The following GPR158 variants were observed in gnomAD, a reference collection of about 807,000 sequenced individuals.
The protein encoded by GPR158 is G protein-coupled receptor 158, also known as metabotropic glycine receptor.
In GPR158, 30 loss-of-function variants were observed where a neutral mutation model predicts 78.2. The observed-to-expected ratio is 0.38, with a 90% CI of 0.29 to 0.52. The LOEUF is 0.52. GPR158 is among the 20% of genes least tolerant of loss of function. GPR158 has a pLI of 0.83. For missense variants in GPR158, 1,463 were observed against 1,523.5 expected (o/e 0.96, Z 0.66); for synonymous variants, 581 against 591.1 (o/e 0.98, Z 0.25).
chr10:25,233,307 T>C (rs145870560), intron 2 of GPR158, among the ~76,000 whole-genome samples: 2 of 152,362 alleles, frequency 1.3e-5, no homozygotes, highest in East Asian at 1.9e-4. Flanking sequence ...CTAATCTTGA[T>C]TGTGTAATTA....
chr10:25,528,983 T>C (rs1836388384), intron 5 of GPR158, among the ~76,000 whole-genome samples: 2 of 152,118 alleles, frequency 1.3e-5, no homozygotes, highest in Non-Finnish European at 1.5e-5. Context: ...AATTGACTTG[T>C]TATGGAAGTT....
At chr10:25,241,184 T>C (rs544268487) in intron 2 of GPR158, among the ~76,000 whole-genome samples, 8 of 111,210 alleles carry the variant, frequency 7.2e-5, no homozygotes, top group African/African-American at 3.7e-4. Context: ...TTTCTTTCTT[T>C]CTTTCCTTTC....
In GPR158 at chr10:25,601,799, T is replaced by A. The variant is rs1389179136; in HGVS notation, c.*2525T>A. 2 of 152,676 alleles carry A rather than the reference T, an allele frequency of 1.3e-5. No individual in the cohort carries two copies. Among genetic ancestry groups the A allele is most frequent in the African/African-American group, 4.8e-5 (2 of 41,470 alleles). 9.5% of individuals were successfully genotyped at this position (152,676 alleles called of 1,614,324 possible). On this transcript the variant is annotated 3_prime_UTR_variant, in exon 11 of 11. Transcript: ENST00000376351. ...TGTCCTTCTCAATGCATGTGCAGGC[T>A]GCATCCTGTCCTTGTTTTTAAGCCA...
At chr10:25,510,892 G>C (rs1267359394) in intron 5 of GPR158, among the ~76,000 whole-genome samples, 2 of 152,042 alleles carry the variant, frequency 1.3e-5, no homozygotes, top group Admixed American at 1.3e-4. Flanking sequence ...CCTTGTTATG[G>C]CTCAGTAGTA....
intron 2 of GPR158, among the ~76,000 whole-genome samples, chr10:25,317,102 T>C (rs922839413): frequency 1.3e-5 from 2 of 151,822 alleles, no homozygotes; most frequent in Non-Finnish European, 2.9e-5. Flanking sequence ...GGAGTGCAGT[T>C]GGCGTGATCT....
At chr10:25,309,712 T>G (rs1463616406) in intron 2 of GPR158, among the ~76,000 whole-genome samples, 1 of 152,148 alleles carries the variant, frequency 6.6e-6, no homozygotes, top group Admixed American at 6.5e-5. Context: ...GGGTCTTTCC[T>G]GTGCTTCTCA....
At chr10:25,317,126 C>T (rs575408978) in intron 2 of GPR158, among the ~76,000 whole-genome samples, 34 of 151,780 alleles carry the variant, frequency 2.2e-4, no homozygotes, top group Non-Finnish European at 4.6e-4. Flanking sequence ...CTCACTGCAA[C>T]CTCCACCTCC....
In GPR158 at chr10:25,199,200, CACAGGGGT is replaced by C. The variant is rs778857563; in HGVS notation, c.903-21851_903-21844del. Among the ~76,000 whole-genome samples the C allele has an allele frequency of 8.6e-5, 13 of 151,200 alleles. 1 individual carries two copies. In the South Asian group the frequency reaches 2.7e-3, roughly 32 times the overall value. On this transcript the variant is annotated intron_variant, in intron 1 of 10. Transcript: ENST00000376351. ...TCTGTTATGTAAGTAAATTGCATGC[CACAGGGGT>C]TTGGTGTAAAGATTATTTTCTTACC...
intron 6 of GPR158, among the ~76,000 whole-genome samples, chr10:25,561,323 T>G (rs1419788199): frequency 6.6e-6 from 1 of 152,238 alleles, no homozygotes; most frequent in African/African-American, 2.4e-5. Flanking sequence ...CAGTGCTAGA[T>G]AATTGAGATT....
At chr10:25,262,637 A>C (rs1853983600) in intron 2 of GPR158, among the ~76,000 whole-genome samples, 1 of 152,096 alleles carries the variant, frequency 6.6e-6, no homozygotes. Context: ...TATACCCTCT[A>C]TCCCTCACAT....
At position 25,598,377 on chromosome 10, in the gene GPR158, T is replaced by A. The variant is rs1837440991; in HGVS notation, c.2751T>A (p.Ala917=). 6.2e-7 allele frequency: 1 copy of A among 1,613,954 alleles called. No homozygotes were observed. The highest frequency in any genetic ancestry group is 1.3e-5 in the African/African-American group (1 of 74,888). ...CCAAGGAGAAGACTCTTGGATTAGC[T>A]GGGAAAACCCAAACAGCAGGTGTGG... ...ASAKEKTLGL[A]GKTQTAGVEE... Residue 917 remains alanine, a synonymous_variant, in exon 11 of 11, where the codon GCT becomes GCA. Coordinates refer to ENST00000376351, the MANE Select transcript of GPR158 (RefSeq NM_020752.3).
intron 5 of GPR158, among the ~76,000 whole-genome samples, chr10:25,516,714 T>C (rs1341261654): frequency 2.3e-4 from 24 of 106,482 alleles, no homozygotes; most frequent in Non-Finnish European, 4.3e-4. Context: ...GGCTCTGTTC[T>C]GTTCCATTGA....
rs1837228992 is a variant in GPR158 at position 25,583,426 on chromosome 10, T to A, written c.1754-5581T>A. Among the ~76,000 whole-genome samples, 3 of 152,218 alleles carry A rather than the reference T, an allele frequency of 2.0e-5. No homozygotes were observed. The South Asian group carries it at 6.2e-4, about 32-fold the overall frequency. Reference sequence around the variant, plus strand: ...AATCAGTGTAACTCATAATTGGCTTTATTTTAGCCAAAGAAGAACCAGATA... The same window carrying A: ...AATCAGTGTAACTCATAATTGGCTTAATTTTAGCCAAAGAAGAACCAGATA... On this transcript the variant is annotated intron_variant, in intron 7 of 10. Coordinates refer to ENST00000376351, the MANE Select transcript of GPR158 (RefSeq NM_020752.3).
chr10:25,587,549 C>T lies in GPR158; in HGVS notation c.1754-1458C>T, dbSNP rs577424080. Among the ~76,000 whole-genome samples, 86 of 152,196 alleles carry T rather than the reference C, an allele frequency of 5.7e-4. 3 individuals are homozygous for T. The South Asian group carries it at 0.017, about 31-fold the overall frequency. The stretch of plus-strand genomic sequence containing the variant: ...AAGAAGGCAACGGTAATTCCATGGA[C>T]AGAAATACAAGAGTTGGGAAAGGAA... On this transcript the variant is annotated intron_variant, in intron 7 of 10. Transcript: ENST00000376351.
chr10:25,465,705 T>TA (rs1298057673), intron 4 of GPR158, among the ~76,000 whole-genome samples: 54 of 152,204 alleles, frequency 3.5e-4, no homozygotes, highest in African/African-American at 1.3e-3. Flanking sequence ...TGGTGGGAGA[T>TA]ACGCAGACTT....
intron 2 of GPR158, among the ~76,000 whole-genome samples, chr10:25,311,506 A>G (rs1854764053): frequency 6.6e-6 from 1 of 152,052 alleles, no homozygotes. Context: ...TGATTTCTGT[A>G]TGTTGAGTCT....
intron 2 of GPR158, among the ~76,000 whole-genome samples, chr10:25,367,501 A>T (rs1332242843): frequency 6.6e-6 from 1 of 151,776 alleles, no homozygotes; most frequent in Non-Finnish European, 1.5e-5. Flanking sequence ...ACACATTTCT[A>T]TACAAAATTT....
At chr10:25,360,507 A>T (rs1187947010) in intron 2 of GPR158, among the ~76,000 whole-genome samples, 2 of 152,062 alleles carry the variant, frequency 1.3e-5, no homozygotes, top group Non-Finnish European at 2.9e-5. Context: ...TTAAATAGGG[A>T]ATCCTTTCCC....
In GPR158 at chr10:25,221,032, T is replaced by C. The variant is rs763650799; in HGVS notation, c.903-20T>C. The C allele has an allele frequency of 8.2e-7, 1 of 1,219,398 alleles. No homozygotes were observed. Among genetic ancestry groups the C allele is most frequent in the Admixed American group, 1.9e-5 (1 of 52,124 alleles). The allele number at this position is 1,219,398 out of a possible 1,614,324, so 75.5% of individuals were successfully genotyped here. A position where few individuals can be genotyped will look rare whatever the true frequency, so the allele number is the denominator to read the frequency against. ...AAATGTCCAGATTAATTTGTTCTTT[T>C]TATCCTTTTCTATTTCTAGGGGTGT... On this transcript the variant is annotated intron_variant, in intron 1 of 10. Transcript: ENST00000376351.
Sources: allele counts gnomAD v4.1 joint callset (sites outside exome capture counted in the v4.1 genomes callset), GRCh38; gene constraint gnomAD v4.1.1; transcripts MANE v1.5; gene names NCBI Gene and HGNC (gene_info 2026-07-23, HGNC 2026-07-21).